The following GALNT17 variants were observed in gnomAD, a reference collection of about 807,000 sequenced individuals.
GALNT17 encodes polypeptide N-acetylgalactosaminyltransferase 17, also known as UDP-GalNAc:polypeptide N-acetylgalactosaminyltransferase-like 3.
In GALNT17, 29 loss-of-function variants were observed where a neutral mutation model predicts 63.7. That is an observed-to-expected ratio of 0.46 (90% CI 0.34 to 0.62). The LOEUF (loss-of-function observed/expected upper bound fraction) is 0.62, where lower values mean the gene tolerates loss of function less well. Among genes scored for constraint, GALNT17 ranks in the 20% least tolerant of loss-of-function variants. The probability of loss-of-function intolerance (pLI) is 0.01; values close to 1 mark genes in which losing one functional copy is unlikely to be tolerated. For missense variants in GALNT17, 603 were observed against 799.6 expected (o/e 0.75, Z 2.97); for synonymous variants, 305 against 318.3 (o/e 0.96, Z 0.45).
At chr7:71,551,197 T>C (rs914365361) in intron 5 of GALNT17, among the ~76,000 whole-genome samples, 11 of 152,216 alleles carry the variant, frequency 7.2e-5, no homozygotes, top group Non-Finnish European at 1.6e-4. Flanking sequence ...TGTCTTAGCC[T>C]CTAGTTCATT....
In GALNT17 at chr7:71,377,114, A is replaced by AAAAAATAT; in HGVS notation, c.423-11120_423-11119insAAAATATA. Among the ~76,000 whole-genome samples the AAAAAATAT allele has an allele frequency of 5.4e-3, 308 of 57,392 alleles. 42 individuals are homozygous for AAAAAATAT. The highest frequency in any genetic ancestry group is 6.1e-3 in the Non-Finnish European group (202 of 33,240). The allele number at this position is 57,392 out of a possible 152,430, so 37.7% of individuals were successfully genotyped here. On this transcript the variant is annotated intron_variant, in intron 2 of 10. Coordinates refer to ENST00000333538, the MANE Select transcript of GALNT17 (RefSeq NM_022479.3). ...AAAAAAAAAAAATAAAAATAAAAAAAATATATATATATATATATATATATA... is the reference window on the plus strand; with the variant it reads ...AAAAAAAAAAAATAAAAATAAAAAAAAAAAATATATATATATATATATATATATATATA...
At chr7:71,676,299 T>A (rs902474507) in intron 8 of GALNT17, among the ~76,000 whole-genome samples, 4 of 152,160 alleles carry the variant, frequency 2.6e-5, no homozygotes, top group Non-Finnish European at 5.9e-5. Flanking sequence ...CAATGGTGCT[T>A]AGTACAGCAT....
At chr7:71,284,417 A>G (rs1388993464) in intron 1 of GALNT17, 1 of 152,228 alleles carries the variant, frequency 6.6e-6, no homozygotes, top group Non-Finnish European at 1.5e-5. Flanking sequence ...GCTGGTCTTG[A>G]ACTCCAGACC....
At chr7:71,683,934 A>T (rs942085406) in intron 9 of GALNT17, among the ~76,000 whole-genome samples, 17 of 149,244 alleles carry the variant, frequency 1.1e-4, no homozygotes, top group African/African-American at 4.1e-4. Flanking sequence ...ACTTGAACTC[A>T]GGAGGCGGAG....
intron 6 of GALNT17, among the ~76,000 whole-genome samples, chr7:71,632,024 A>G (rs1790459232): frequency 6.6e-6 from 1 of 151,984 alleles, no homozygotes; most frequent in African/African-American, 2.4e-5. Context: ...CTGGGATGAC[A>G]GGTGTGAGCC....
At position 71,132,512 on chromosome 7, in the gene GALNT17, T is replaced by C. The variant is rs1787699585; in HGVS notation, c.-291T>C. On this transcript the variant is annotated 5_prime_UTR_variant, in exon 1 of 11. Coordinates refer to ENST00000333538, the MANE Select transcript of GALNT17 (RefSeq NM_022479.3). Reference sequence around the variant, plus strand: ...TGCAGAAGAGAAACCCTCAAATCCCTGGCCTTTCGCGGAGACGCCTGGACG... The same window carrying C: ...TGCAGAAGAGAAACCCTCAAATCCCCGGCCTTTCGCGGAGACGCCTGGACG... 2 of 390,916 alleles carry C rather than the reference T, an allele frequency of 5.1e-6. No individual in the cohort carries two copies. Among genetic ancestry groups the C allele is most frequent in the Admixed American group, 4.5e-5 (1 of 22,332 alleles). 24.2% of individuals were successfully genotyped at this position (390,916 alleles called of 1,614,324 possible).
intron 1 of GALNT17, among the ~76,000 whole-genome samples, chr7:71,219,906 C>T (rs530726480): frequency 2.0e-5 from 3 of 152,282 alleles, no homozygotes; most frequent in African/African-American, 4.8e-5. Context: ...CTGGTAGGTG[C>T]TCTGGCAGGT....
intron 5 of GALNT17, among the ~76,000 whole-genome samples, chr7:71,451,224 C>T (rs1379233843): frequency 6.6e-6 from 1 of 152,114 alleles, no homozygotes; most frequent in African/African-American, 2.4e-5. Context: ...AATTGCATGA[C>T]ATTTTTCTAG....
chr7:71,185,042 C>T (rs1484894066), intron 1 of GALNT17, among the ~76,000 whole-genome samples: 1 of 117,194 alleles, frequency 8.5e-6, no homozygotes, highest in Non-Finnish European at 1.6e-5. Flanking sequence ...TCTTCTCTTC[C>T]TCCCCCTCCT....
At chr7:71,462,514 A>C (rs1335564967) in intron 5 of GALNT17, among the ~76,000 whole-genome samples, 2 of 152,188 alleles carry the variant, frequency 1.3e-5, no homozygotes, top group African/African-American at 4.8e-5. Flanking sequence ...CACACCCCTA[A>C]CACAGCCTCA....
chr7:71,259,355 A>G (rs1179181614), intron 1 of GALNT17, among the ~76,000 whole-genome samples: 1 of 152,228 alleles, frequency 6.6e-6, no homozygotes, highest in Non-Finnish European at 1.5e-5. Context: ...CAAATCAATT[A>G]TATTCTACTT....
chr7:71,546,312 C>T (rs1334018551), intron 5 of GALNT17, among the ~76,000 whole-genome samples: 2 of 152,034 alleles, frequency 1.3e-5, no homozygotes, highest in African/African-American at 4.8e-5. Flanking sequence ...AGGTGTGCAC[C>T]ACCACTCCTG....
intron 5 of GALNT17, among the ~76,000 whole-genome samples, chr7:71,513,629 G>A (rs1458855042): frequency 2.0e-5 from 3 of 151,806 alleles, no homozygotes; most frequent in South Asian, 2.1e-4. Context: ...CAAGTGATTC[G>A]CCCACTTCGG....
intron 1 of GALNT17, among the ~76,000 whole-genome samples, chr7:71,215,919 A>C (rs1182362828): frequency 6.6e-6 from 1 of 152,158 alleles, no homozygotes; most frequent in Non-Finnish European, 1.5e-5. Context: ...AAAATTTAAC[A>C]CATCAGGAGA....
chr7:71,525,321 T>C (rs1788605421), intron 5 of GALNT17, among the ~76,000 whole-genome samples: 3 of 151,934 alleles, frequency 2.0e-5, no homozygotes. Context: ...GACTACAGGC[T>C]GTACAGGCCC....
chr7:71,595,188 G>A (rs531728435), intron 6 of GALNT17, among the ~76,000 whole-genome samples: 6 of 152,282 alleles, frequency 3.9e-5, no homozygotes, highest in Non-Finnish European at 5.9e-5. Flanking sequence ...TTAGGAAGCC[G>A]GGACCTGAGA....
chr7:71,314,878 C>T lies in GALNT17; in HGVS notation c.239-20672C>T, dbSNP rs59668701. Among the ~76,000 whole-genome samples the T allele has an allele frequency of 2.9e-3, 439 of 152,274 alleles. 6 individuals carry two copies. Among genetic ancestry groups the T allele is most frequent in the African/African-American group, 0.01 (421 of 41,552 alleles). ...CCATGATTGCACAGACACTGCACTC[C>T]AGCATTCATTGAGAGCAACAGAGTG... On this transcript the variant is annotated intron_variant, in intron 1 of 10. Coordinates refer to ENST00000333538, the MANE Select transcript of GALNT17 (RefSeq NM_022479.3).
chr7:71,668,576 G>A (rs951591461), intron 7 of GALNT17, among the ~76,000 whole-genome samples: 1 of 136,602 alleles, frequency 7.3e-6, no homozygotes, highest in African/African-American at 2.6e-5. Flanking sequence ...AAAACAAAGA[G>A]TTAAAAGTTA....
chr7:71,685,220 G>A (rs1020821308), intron 9 of GALNT17, among the ~76,000 whole-genome samples: 1 of 152,120 alleles, frequency 6.6e-6, no homozygotes, highest in Non-Finnish European at 1.5e-5. Context: ...GAATCACGAG[G>A]CACATTTCAG....
Sources: allele counts gnomAD v4.1 joint callset (sites outside exome capture counted in the v4.1 genomes callset), GRCh38; gene constraint gnomAD v4.1.1; transcripts MANE v1.5; gene names NCBI Gene and HGNC (gene_info 2026-07-23, HGNC 2026-07-21).